RP1L1: variants seen among roughly 807,000 people sequenced by gnomAD.
RP1L1 encodes the protein RP1 like 1, also known as retinitis pigmentosa 1-like 1 protein.
A neutral mutation model predicts 15.7 loss-of-function variants in RP1L1; 27 were observed. The observed-to-expected ratio is 1.72, with a 90% CI of 1.27 to 2.38. The LOEUF (loss-of-function observed/expected upper bound fraction) is 2.38. Among genes scored for constraint, RP1L1 ranks in the 30% most tolerant of loss-of-function variants. The pLI is 0.00. For synonymous variants in RP1L1, 1,813 were observed against 1,276.7 expected (o/e 1.42, Z -8.96); for missense variants, 4,798 against 3,075.9 (o/e 1.56, Z -13.24).
chr8:10,631,387 G>T (rs1297200650), intron 1 of RP1L1, among the ~76,000 whole-genome samples: 9,025 of 92,288 alleles, frequency 0.098, 595 homozygotes, highest in African/African-American at 0.2. Flanking sequence ...AAACACACAT[G>T]CACACACACG....
intron 1 of RP1L1, 91 bp from the exon 2 acceptor site, chr8:10,623,311 C>T: frequency 1.0e-6 from 1 of 975,068 alleles, no homozygotes; most frequent in Non-Finnish European, 1.5e-6. Flanking sequence ...TGCTTCCTGC[C>T]CACCCCAAAT....
At chr8:10,613,680 G>C (rs1797919694) in intron 3 of RP1L1, among the ~76,000 whole-genome samples, 2 of 150,762 alleles carry the variant, frequency 1.3e-5, no homozygotes, top group Admixed American at 6.6e-5. Context: ...CAGCTTCCTA[G>C]CTACTCGGAA....
chr8:10,624,022 C>G (rs1038165335), intron 1 of RP1L1, among the ~76,000 whole-genome samples: 11 of 152,204 alleles, frequency 7.2e-5, no homozygotes, highest in Admixed American at 7.2e-4. Flanking sequence ...CCTCCATATC[C>G]CTGCATCACT....
At position 10,631,378 on chromosome 8, in the gene RP1L1, AACACACATGC is replaced by A. The variant is rs1310800919; in HGVS notation, c.-19-8168_-19-8159del. The stretch of plus-strand genomic sequence containing the variant: ...ATGCACACAAACACACATGCACACA[AACACACATGC>A]ACACACACGCACACACACGCACACA... On this transcript the variant is annotated intron_variant, in intron 1 of 3. Transcript: ENST00000382483. Among the ~76,000 whole-genome samples, 14 of 3,790 alleles carry A rather than the reference AACACACATGC, an allele frequency of 3.7e-3. 1 individual carries two copies. Among genetic ancestry groups the A allele is most frequent in the Admixed American group, 0.012 (6 of 494 alleles). 2.5% of individuals were successfully genotyped at this position (3,790 alleles called of 152,430 possible). A position where few individuals can be genotyped will look rare whatever the true frequency, so the allele number is the denominator to read the frequency against.
chr8:10,624,127 C>T lies in RP1L1; in HGVS notation c.-19-907G>A, dbSNP rs187322141. On this transcript the variant is annotated intron_variant, in intron 1 of 3. Coordinates refer to ENST00000382483, the MANE Select transcript of RP1L1 (RefSeq NM_178857.6). ...TGGAAGGTTTTCTTCTTGGAAGAGG[C>T]ATCACCTTCCAGTCCTCACTCTCAG... Among the ~76,000 whole-genome samples, 426 of 152,342 alleles carry T rather than the reference C, an allele frequency of 2.8e-3. 1 individual carries two copies. Among genetic ancestry groups the T allele is most frequent in the Non-Finnish European group, 3.5e-3 (239 of 68,046 alleles).
At chr8:10,640,599 G>C (rs7001866) in intron 1 of RP1L1, among the ~76,000 whole-genome samples, 105,336 of 151,536 alleles carry the variant, frequency 0.7, 37,775 homozygotes, top group East Asian at 0.99. Context: ...ATTGCTGTGA[G>C]CCAAGATCAC....
rs774689549 is a variant in RP1L1, at chr8:10,612,934, C to T, written c.1164G>A (p.Arg388=). The T allele has an allele frequency of 1.9e-6, 3 of 1,612,484 alleles. No homozygotes were observed. The highest frequency in any genetic ancestry group is 2.2e-5 in the South Asian group (2 of 91,034). ...GGCCAAAGACTTCCCTGCATCCCAC[C>T]CTGCAGGGCCGGGGTCCCCACACCC... ...EPGVWGPRPC[R]VGCREVFGRG... Residue 388 remains arginine, a synonymous_variant, in exon 4 of 4, where the codon AGG becomes AGA. Transcript: ENST00000382483.
rs1389654867 is a variant in RP1L1, at chr8:10,628,180, T to C, written c.-19-4960A>G. 2.0e-5 allele frequency among the ~76,000 whole-genome samples: 3 copies of C among 152,220 alleles called. No homozygotes were observed. In the East Asian group the frequency reaches 5.8e-4, roughly 29 times the overall value. Reference sequence around the variant, plus strand: ...TTGAATTGTCTGTGCTTCCCTTGTCTGAGCCATAAACAAAGAGGTTAAACC... The same window carrying C: ...TTGAATTGTCTGTGCTTCCCTTGTCCGAGCCATAAACAAAGAGGTTAAACC... On this transcript the variant is annotated intron_variant, in intron 1 of 3. Coordinates refer to ENST00000382483, the MANE Select transcript of RP1L1 (RefSeq NM_178857.6).
chr8:10,631,986 C>T (rs1328159110), intron 1 of RP1L1, among the ~76,000 whole-genome samples: 1 of 152,194 alleles, frequency 6.6e-6, no homozygotes, highest in Non-Finnish European at 1.5e-5. Flanking sequence ...CAGCTCATTT[C>T]CTTGAGAATG....
Position 10,610,038 on chromosome 8 carries a change from C to G in RP1L1, c.4060G>C (p.Ala1354Pro), listed in dbSNP as rs1438722911. ...GTTTCTTCAATTTCCTCTAACTGCG[C>G]CTCTTCTTCTTGCTGTCCTTCTCCT... ...TEGEGQQEEE[A>P]QLEEIEETGG... Residue 1354 changes from alanine (A) to proline (P), a missense_variant, in exon 4 of 4, where the codon GCG becomes CCG. By Grantham distance (27) the Ala-to-Pro change is conservative. Coordinates refer to ENST00000382483, the MANE Select transcript of RP1L1 (RefSeq NM_178857.6). The G allele has an allele frequency of 7.4e-7, 1 of 1,357,344 alleles. No individual in the cohort carries two copies. Among genetic ancestry groups the G allele is most frequent in the Non-Finnish European group, 9.6e-7 (1 of 1,041,482 alleles). The allele number at this position is 1,357,344 out of a possible 1,614,324, so 84.1% of individuals were successfully genotyped here.
intron 1 of RP1L1, among the ~76,000 whole-genome samples, chr8:10,626,758 GAC>G (rs1265234800): frequency 6.6e-6 from 1 of 152,194 alleles, no homozygotes; most frequent in African/African-American, 2.4e-5. Flanking sequence ...GTTTGGGAAA[GAC>G]AGAATGACAA....
chr8:10,630,135 G>A (rs1798218984), intron 1 of RP1L1, among the ~76,000 whole-genome samples: 1 of 152,220 alleles, frequency 6.6e-6, no homozygotes, highest in South Asian at 2.1e-4. Flanking sequence ...TGTCCCCAGA[G>A]CATCTATCTC....
At position 10,610,765 on chromosome 8, in the gene RP1L1, G is replaced by A; in HGVS notation, c.3333C>T (p.Leu1111=). The change falls in exon 4 of 4, where the codon CTC becomes CTT. Residue 1111 remains leucine (L), a synonymous_variant. Transcript: ENST00000382483. ...PEVSRPMARR[L]SCSAGALITC... is the part of the protein sequence containing the mutation. ...TAATGAGGGCCCCGGCTGAGCAGCTGAGCCTCCTGGCCATGGGCCTAGACA... is the reference window on the plus strand; with the variant it reads ...TAATGAGGGCCCCGGCTGAGCAGCTAAGCCTCCTGGCCATGGGCCTAGACA... 2.5e-6 allele frequency: 4 copies of A among 1,613,302 alleles called. No individual in the cohort carries two copies. The highest frequency in any genetic ancestry group is 3.4e-6 in the Non-Finnish European group (4 of 1,179,994).
Position 10,609,273 on chromosome 8 carries a change from G to C in RP1L1, c.4825C>G (p.Arg1609Gly), listed in dbSNP as rs374793969. The C allele has an allele frequency of 1.2e-6, 2 of 1,609,658 alleles. No individual in the cohort carries two copies. The highest frequency in any genetic ancestry group is 1.7e-6 in the Non-Finnish European group (2 of 1,179,648). The change falls in exon 4 of 4, where the codon CGT becomes GGT. Residue 1609 changes from arginine (R) to glycine (G), a missense_variant. Transcript: ENST00000382483. ...LLLQTQQRRH[R>G]LRGLRNLSAF... ...GAGAGGTTTCGCAGGCCCCGGAGAC[G>C]GTGTCTGCGCTGCTGGGTCTGCAGG...
chr8:10,612,160 AC>A lies in RP1L1; in HGVS notation c.1937del (p.Ser646MetfsTer37). ...CAGGGCTGCTGGGTGAGGACATTGC[AC>A]TGGCCCGGCTTCTGTGCCTTCTCTG... ...QGQRRHRSRA[S>X]AMSSPSSPGL... On this transcript the variant is annotated frameshift_variant, in exon 4 of 4. Coordinates refer to ENST00000382483, the MANE Select transcript of RP1L1 (RefSeq NM_178857.6). LOFTEE classifies it low-confidence loss of function (END_TRUNC). 1 of 1,613,450 alleles carries A rather than the reference AC, an allele frequency of 6.2e-7. No individual in the cohort carries two copies. Among genetic ancestry groups the A allele is most frequent in the Non-Finnish European group, 8.5e-7 (1 of 1,180,020 alleles).
chr8:10,621,758 C>T (rs527560374), intron 2 of RP1L1: 37 of 508,534 alleles, frequency 7.3e-5, no homozygotes, highest in South Asian at 4.6e-4. Context: ...GGTGGAATTT[C>T]ATGTCCGGCA....
At position 10,610,117 on chromosome 8, in the gene RP1L1, T is replaced by C. The variant is rs112656102; in HGVS notation, c.3981A>G (p.Thr1327=). The C allele has an allele frequency of 0.049, 68,522 of 1,408,424 alleles. 7,439 individuals carry two copies. Among genetic ancestry groups the C allele is most frequent in the East Asian group, 0.16 (5,838 of 35,536 alleles). The allele number at this position is 1,408,424 out of a possible 1,614,324, so 87.2% of individuals were successfully genotyped here. Reference sequence around the variant, plus strand: ...CCCCCTCTTCTTGCAGCCCTTCTTCTGTTTTAGTTTCCTCTAACTGCACCG... The same window carrying C: ...CCCCCTCTTCTTGCAGCCCTTCTTCCGTTTTAGTTTCCTCTAACTGCACCG... ...EEAVQLEETK[T]EEGLQEEGVQ... The change falls in exon 4 of 4, where the codon ACA becomes ACG. Residue 1327 remains threonine, a synonymous_variant. Transcript: ENST00000382483.
At chr8:10,615,938 T>C (rs1233192766) in intron 3 of RP1L1, among the ~76,000 whole-genome samples, 1 of 152,166 alleles carries the variant, frequency 6.6e-6, no homozygotes, top group Non-Finnish European at 1.5e-5. Flanking sequence ...AGGATTTTGC[T>C]CTGTCACCCA....
In RP1L1 at chr8:10,608,711, C is replaced by A. The variant is rs1166366531; in HGVS notation, c.5387G>T (p.Gly1796Val). The change falls in exon 4 of 4, where the codon GGC becomes GTC. Residue 1796 changes from glycine to valine, a missense_variant. Physicochemically the swap from Gly to Val is moderately radical, Grantham distance 109. Coordinates refer to ENST00000382483, the MANE Select transcript of RP1L1 (RefSeq NM_178857.6). Reference protein sequence around the residue: ...ELGEAEQEGEGISERGETGGQ... With the variant: ...ELGEAEQEGEVISERGETGGQ... The stretch of plus-strand genomic sequence containing the variant: ...CCCAGTTTCTCCCCTTTCACTTATG[C>A]CCTCTCCCTCCTGCTCAGCTTCCCC... 6.2e-7 allele frequency: 1 copy of A among 1,614,116 alleles called. No homozygotes were observed. The highest frequency in any genetic ancestry group is 1.3e-5 in the African/African-American group (1 of 74,930).
Sources: allele counts gnomAD v4.1 joint callset (sites outside exome capture counted in the v4.1 genomes callset), GRCh38; gene constraint gnomAD v4.1.1; transcripts MANE v1.5; gene names NCBI Gene and HGNC (gene_info 2026-07-23, HGNC 2026-07-21).